The following OLAH variants were observed in gnomAD, a reference collection of about 807,000 sequenced individuals.
OLAH encodes the protein S-acyl fatty acid synthase thioesterase, medium chain.
OLAH carries 33 observed loss-of-function variants against 27.8 expected under a neutral mutation model. The observed-to-expected ratio is 1.19, with a 90% CI of 0.90 to 1.59. The LOEUF (loss-of-function observed/expected upper bound fraction) is 1.59, where lower values mean the gene tolerates loss of function less well. Ranked by LOEUF, OLAH falls within the 40% of genes most tolerant of loss-of-function variation. The pLI is 0.00. For missense variants in OLAH, 359 were observed against 310.8 expected (o/e 1.16, Z -1.17); for synonymous variants, 120 against 102.9 (o/e 1.17, Z -1.01).
At chr10:15,041,003 A>G (rs942362838), upstream of OLAH, among the ~76,000 whole-genome samples, 41 of 152,128 alleles carry the variant, frequency 2.7e-4, no homozygotes, top group African/African-American at 9.7e-4. Flanking sequence ...CTCTACTCCC[A>G]TGAGGCTCCT....
chr10:15,049,856 C>T, intron 3 of OLAH, 91 bp downstream of exon 3: 1 of 1,233,284 alleles, frequency 8.1e-7, no homozygotes, highest in Middle Eastern at 2.0e-4. Flanking sequence ...ACTTTCCTTC[C>T]TGGTAGGTAA....
intron 3 of OLAH, among the ~76,000 whole-genome samples, chr10:15,052,019 A>G (rs1844153160): frequency 1.3e-5 from 2 of 152,222 alleles, no homozygotes; most frequent in African/African-American, 4.8e-5. Context: ...ATGGTGGCTC[A>G]CGCCTGTAAT....
intron 1 of OLAH, among the ~76,000 whole-genome samples, chr10:15,033,340 TG>T (rs1428110847): frequency 6.6e-6 from 1 of 152,164 alleles, no homozygotes; most frequent in African/African-American, 2.4e-5. Flanking sequence ...GCAAATCCTT[TG>T]ATGACTTCAA....
At chr10:15,036,843 G>A (rs1282830947) in intron 1 of OLAH, among the ~76,000 whole-genome samples, 1 of 152,106 alleles carries the variant, frequency 6.6e-6, no homozygotes, top group Non-Finnish European at 1.5e-5. Flanking sequence ...TATTCTGGGA[G>A]GCTGAGGCAG....
At chr10:15,035,223 A>T (rs1316053436) in intron 1 of OLAH, among the ~76,000 whole-genome samples, 4 of 152,136 alleles carry the variant, frequency 2.6e-5, no homozygotes, top group African/African-American at 7.2e-5. Context: ...GGACCAGAGA[A>T]AGCCCGGTAT....
intron 1 of OLAH, among the ~76,000 whole-genome samples, chr10:15,032,980 C>A (rs1843782354): frequency 6.6e-6 from 1 of 152,086 alleles, no homozygotes; most frequent in Non-Finnish European, 1.5e-5. Flanking sequence ...TCAAATGATT[C>A]TCATGCCTCA....
At chr10:15,047,404 T>A in intron 2 of OLAH, 84 bp downstream of exon 2, 1 of 1,364,856 alleles carries the variant, frequency 7.3e-7, no homozygotes. Flanking sequence ...CTTTTTAGTT[T>A]GAAAGAGGTT....
At chr10:15,047,377 T>A in intron 2 of OLAH, 57 bp downstream of exon 2, 1 of 1,546,140 alleles carries the variant, frequency 6.5e-7, no homozygotes, top group Non-Finnish European at 8.9e-7. Flanking sequence ...TCCGATACCC[T>A]GCCTTTGTAC....
chr10:15,046,268 C>G (rs1436105838), intron 1 of OLAH, among the ~76,000 whole-genome samples: 1 of 150,564 alleles, frequency 6.6e-6, no homozygotes, highest in Non-Finnish European at 1.5e-5. Context: ...ATCATTTGAA[C>G]TTGAGCCACT....
chr10:15,037,156 TA>T (rs35730648), intron 1 of OLAH, among the ~76,000 whole-genome samples: 7,822 of 141,960 alleles, frequency 0.055, 251 homozygotes, highest in Middle Eastern at 0.14. Flanking sequence ...CACATAACAT[TA>T]AAAAAAAAAA....
intron 3 of OLAH, 115 bp downstream of exon 3, chr10:15,049,880 T>C (rs754746056): frequency 3.2e-6 from 3 of 951,656 alleles, no homozygotes; most frequent in Admixed American, 3.1e-5. Flanking sequence ...ATAATAAACT[T>C]TCAAGATTAT....
intron 1 of OLAH, among the ~76,000 whole-genome samples, chr10:15,037,319 G>A (rs1413988987): frequency 3.3e-5 from 5 of 151,986 alleles, no homozygotes; most frequent in Admixed American, 1.3e-4. Flanking sequence ...AGTGGCTCAC[G>A]CCTATAATCC....
intron 1 of OLAH, among the ~76,000 whole-genome samples, chr10:15,034,636 A>C (rs1339754582): frequency 2.0e-5 from 3 of 152,140 alleles, no homozygotes; most frequent in Non-Finnish European, 4.4e-5. Flanking sequence ...TGGCCCAGCC[A>C]CTTTGTTCTT....
chr10:15,041,866 C>T (rs116674661), upstream of OLAH, among the ~76,000 whole-genome samples: 221 of 152,098 alleles, frequency 1.5e-3, no homozygotes, highest in African/African-American at 4.4e-3. Context: ...TGTGAGCTAC[C>T]GCAACTGGCC....
chr10:15,041,284 T>TA (rs769346672), upstream of OLAH, among the ~76,000 whole-genome samples: 35,513 of 137,958 alleles, frequency 0.26, 4,447 homozygotes, highest in East Asian at 0.41. Context: ...ATTTTTATTT[T>TA]TATTTTTTTT....
intron 1 of OLAH, among the ~76,000 whole-genome samples, chr10:15,035,334 A>G (rs1000133989): frequency 6.6e-6 from 1 of 152,170 alleles, no homozygotes; most frequent in Non-Finnish European, 1.5e-5. Flanking sequence ...CGGGTAATTT[A>G]TGAGAAAAGA....
At chr10:15,061,956 C>G in intron 4 of OLAH, 94 bp downstream of exon 4, 1 of 1,213,964 alleles carries the variant, frequency 8.2e-7, no homozygotes, top group Non-Finnish European at 1.2e-6. Context: ...AGATGCATAC[C>G]TTTGTATTGG....
rs544846494 is a variant in OLAH at position 15,057,075 on chromosome 10, A to G, written c.164-4649A>G. 1.1e-5 allele frequency: 14 copies of G among 1,267,450 alleles called. No individual in the cohort carries two copies. In the Admixed American group the frequency reaches 1.2e-4, roughly 11 times the overall value. 78.5% of individuals were successfully genotyped at this position (1,267,450 alleles called of 1,614,324 possible). ...ACTCACAGAAGCTTTAAATTTTAAT[A>G]TAATCAAGCTTATTACTCTTCTTTT... On this transcript the variant is annotated intron_variant, in intron 3 of 7. Transcript: ENST00000378228.
At chr10:15,045,837 C>G (rs1844006498) in intron 1 of OLAH, among the ~76,000 whole-genome samples, 1 of 152,148 alleles carries the variant, frequency 6.6e-6, no homozygotes, top group African/African-American at 2.4e-5. Context: ...CAAGACCAGC[C>G]TGGCCAACAT....
Sources: gnomAD v4.1 joint callset for allele counts (sites outside exome capture counted in the v4.1 genomes callset) on GRCh38, gnomAD v4.1.1 for gene constraint, MANE v1.5 for transcripts, NCBI Gene and HGNC (gene_info 2026-07-23, HGNC 2026-07-21) for gene names.